The following ARID2 variants were observed in gnomAD, a reference collection of about 807,000 sequenced individuals.
ARID2 encodes AT-rich interaction domain 2.
Under a neutral mutation model 184.6 loss-of-function variants are expected in ARID2, and 32 were observed. That is an observed-to-expected ratio of 0.17 (90% CI 0.13 to 0.23). ARID2 has a LOEUF of 0.23. Among genes scored for constraint, ARID2 ranks in the 10% least tolerant of loss-of-function variants. The pLI is 1.00. For synonymous variants in ARID2, 836 were observed against 772.6 expected (o/e 1.08, Z -1.36); for missense variants, 1,696 against 2,197.6 (o/e 0.77, Z 4.56).
At chr12:45,731,178 A>G in intron 2 of ARID2, 39 bp from the exon 3 acceptor site, 1 of 1,424,774 alleles carries the variant, frequency 7.0e-7, no homozygotes, top group Non-Finnish European at 9.9e-7. Context: ...ATTTTCTTAG[A>G]TTGTTCACGT....
At chr12:45,739,438 C>CTT (rs71067906) in intron 3 of ARID2, among the ~76,000 whole-genome samples, 21,175 of 90,664 alleles carry the variant, frequency 0.23, 5,017 homozygotes, top group African/African-American at 0.41. Context: ...TATAAAGTTA[C>CTT]TTTTTTTTTT....
intron 4 of ARID2, among the ~76,000 whole-genome samples, chr12:45,813,965 A>G (rs1474235498): frequency 2.0e-5 from 3 of 152,128 alleles, no homozygotes; most frequent in Non-Finnish European, 2.9e-5. Flanking sequence ...GATTGGATAT[A>G]ATCATTTCTG....
chr12:45,805,453 A>G (rs1014721754), intron 3 of ARID2, among the ~76,000 whole-genome samples: 1 of 152,046 alleles, frequency 6.6e-6, no homozygotes, highest in African/African-American at 2.4e-5. Flanking sequence ...TTTTCAAATT[A>G]TTTTAATAGT....
intron 15 of ARID2, among the ~76,000 whole-genome samples, chr12:45,856,547 T>G (rs1432317378): frequency 1.3e-5 from 2 of 152,142 alleles, no homozygotes; most frequent in Non-Finnish European, 2.9e-5. Context: ...AGGAAGTACT[T>G]GCACCCTGAT....
chr12:45,842,271 A>G (rs1177042259), intron 11 of ARID2: 1 of 151,354 alleles, frequency 6.6e-6, no homozygotes, highest in Non-Finnish European at 1.5e-5. Context: ...ATATACATAT[A>G]TACACATACA....
intron 3 of ARID2, among the ~76,000 whole-genome samples, chr12:45,768,165 AT>A (rs1941806456): frequency 6.6e-6 from 1 of 152,028 alleles, no homozygotes; most frequent in Non-Finnish European, 1.5e-5. Flanking sequence ...CTGTTCCTTT[AT>A]TTCCTAGTTG....
chr12:45,863,310 A>G (rs1943780069), intron 16 of ARID2, among the ~76,000 whole-genome samples: 1 of 152,240 alleles, frequency 6.6e-6, no homozygotes, highest in Non-Finnish European at 1.5e-5. Flanking sequence ...ACGACATGAA[A>G]AGAGAAATGG....
chr12:45,852,677 A>C lies in ARID2; in HGVS notation c.4554A>C (p.Pro1518=). The part of the protein sequence containing the change: ...GTAECKTVKR[P]AEDTDRETVA... ...CAGAATGCAAAACTGTAAAGAGGCCAGCAGAGGATACTGATAGGGAAACAG... is the reference window on the plus strand; with the variant it reads ...CAGAATGCAAAACTGTAAAGAGGCCCGCAGAGGATACTGATAGGGAAACAG... Residue 1518 remains proline (P), a synonymous_variant, in exon 15 of 21, where the codon CCA becomes CCC. Transcript: ENST00000334344. The C allele has an allele frequency of 6.2e-7, 1 of 1,614,198 alleles. No homozygotes were observed. Among genetic ancestry groups the C allele is most frequent in the Admixed American group, 1.7e-5 (1 of 60,026 alleles).
chr12:45,777,924 G>C (rs1298736753), intron 3 of ARID2, among the ~76,000 whole-genome samples: 1 of 151,204 alleles, frequency 6.6e-6, no homozygotes, highest in African/African-American at 2.4e-5. Context: ...GGTTAAAACC[G>C]GCCAGGCCCA....
At chr12:45,773,169 A>C (rs951405309) in intron 3 of ARID2, among the ~76,000 whole-genome samples, 1 of 152,148 alleles carries the variant, frequency 6.6e-6, no homozygotes, top group Admixed American at 6.6e-5. Context: ...TGAAAGAAGA[A>C]ATCAGAAGTA....
At chr12:45,775,759 A>G (rs1440542106) in intron 3 of ARID2, among the ~76,000 whole-genome samples, 1 of 152,224 alleles carries the variant, frequency 6.6e-6, no homozygotes, top group African/African-American at 2.4e-5. Flanking sequence ...ATGGATGCAA[A>G]TAGAATTTAG....
At chr12:45,836,065 A>T (rs1293744603) in intron 6 of ARID2, among the ~76,000 whole-genome samples, 4 of 152,190 alleles carry the variant, frequency 2.6e-5, no homozygotes, top group Non-Finnish European at 4.4e-5. Flanking sequence ...ACATAAAAAG[A>T]TGCCTTTTTA....
Position 45,852,866 on chromosome 12 carries a change from A to G in ARID2, c.4743A>G (p.Pro1581=). Residue 1581 remains proline, a synonymous_variant, in exon 15 of 21, where the codon CCA becomes CCG. Transcript: ENST00000334344. The part of the protein sequence containing the change: ...ESAVQQKQQH[P]PTYVQNVVPQ... ...CTGTTCAGCAAAAGCAACAGCATCC[A>G]CCAACATATGTACAGAATGTGGTCC... The G allele has an allele frequency of 1.2e-6, 2 of 1,608,822 alleles. No homozygotes were observed. Among genetic ancestry groups the G allele is most frequent in the Non-Finnish European group, 1.7e-6 (2 of 1,176,990 alleles).
At position 45,884,398 on chromosome 12, in the gene ARID2, AC is replaced by A. The variant is rs528222122; in HGVS notation, c.4923-7381del. 3.9e-3 allele frequency among the ~76,000 whole-genome samples: 596 copies of A among 151,836 alleles called. 1 individual carries two copies. The highest frequency in any genetic ancestry group is 0.01 in the Middle Eastern group (3 of 292). The stretch of plus-strand genomic sequence containing the variant: ...TCAACAGAGTGAGATTCTGTCTCAA[AC>A]AAACAAACAAACAAACAAAACATTG... On this transcript the variant is annotated intron_variant, in intron 16 of 20. Coordinates refer to ENST00000334344, the MANE Select transcript of ARID2 (RefSeq NM_152641.4).
chr12:45,771,729 A>C (rs201574824), intron 3 of ARID2, among the ~76,000 whole-genome samples: 1 of 151,928 alleles, frequency 6.6e-6, no homozygotes, highest in African/African-American at 2.4e-5. Flanking sequence ...GACCATATAC[A>C]TTAAAATGCA....
intron 20 of ARID2, among the ~76,000 whole-genome samples, chr12:45,902,922 TAA>T (rs980634035): frequency 2.0e-5 from 3 of 152,222 alleles, no homozygotes; most frequent in Admixed American, 1.3e-4. Flanking sequence ...AAGAAAATCA[TAA>T]AGATTTTATA....
At chr12:45,744,972 C>T (rs1211615446) in intron 3 of ARID2, among the ~76,000 whole-genome samples, 1 of 152,142 alleles carries the variant, frequency 6.6e-6, no homozygotes, top group African/African-American at 2.4e-5. Flanking sequence ...TGGAGGTTAG[C>T]TTAAATGTGT....
In ARID2 at chr12:45,735,771, C is replaced by T. The variant is rs565632345; in HGVS notation, c.284+4457C>T. On this transcript the variant is annotated intron_variant, in intron 3 of 20. Coordinates refer to ENST00000334344, the MANE Select transcript of ARID2 (RefSeq NM_152641.4). ...AAGCTCAGCTAGGTTAGTGTTATGT[C>T]TTAGAATCCATGTTTTTAGAGCTTA... Among the ~76,000 whole-genome samples the T allele has an allele frequency of 3.7e-4, 57 of 152,248 alleles. No homozygotes were observed. The South Asian group carries it at 7.0e-3, about 19-fold the overall frequency.
chr12:45,844,441 C>T (rs898667106), intron 11 of ARID2, among the ~76,000 whole-genome samples: 2 of 152,188 alleles, frequency 1.3e-5, no homozygotes, highest in Non-Finnish European at 2.9e-5. Flanking sequence ...TATCATTACT[C>T]TACAATTTAT....
Sources: gnomAD v4.1 joint callset for allele counts (sites outside exome capture counted in the v4.1 genomes callset) on GRCh38, gnomAD v4.1.1 for gene constraint, MANE v1.5 for transcripts, NCBI Gene and HGNC (gene_info 2026-07-23, HGNC 2026-07-21) for gene names.